The following DCC variants were observed in gnomAD, a reference collection of about 807,000 sequenced individuals.
DCC encodes DCC netrin 1 receptor, also known as netrin receptor DCC.
A neutral mutation model predicts 172.5 loss-of-function variants in DCC; 58 were observed. The ratio of observed to expected loss-of-function variants is 0.34; its 90% CI spans 0.27 to 0.42. The LOEUF (loss-of-function observed/expected upper bound fraction) is 0.42, where lower values mean the gene tolerates loss of function less well. Ranked by LOEUF, DCC falls within the 10% of genes least tolerant of loss-of-function variation. DCC has a pLI of 1.00. For missense variants in DCC, 1,740 were observed against 1,791.0 expected (o/e 0.97, Z 0.51); for synonymous variants, 709 against 644.5 (o/e 1.10, Z -1.52).
chr18:52,784,757 G>A (rs772186814), intron 2 of DCC, among the ~76,000 whole-genome samples: 27 of 151,964 alleles, frequency 1.8e-4, no homozygotes, highest in Non-Finnish European at 3.5e-4. Context: ...TTTTAATAGT[G>A]ATATGGCTAT....
chr18:52,358,999 A>G lies in DCC; in HGVS notation c.91+18121A>G, dbSNP rs1984502422. Among the ~76,000 whole-genome samples, 3 of 152,324 alleles carry G rather than the reference A, an allele frequency of 2.0e-5. No homozygotes were observed. The Middle Eastern group carries it at 0.01, about 518-fold the overall frequency. On this transcript the variant is annotated intron_variant, in intron 1 of 28. Coordinates refer to ENST00000442544, the MANE Select transcript of DCC (RefSeq NM_005215.4). ...CTTCCAATTTATAAAATCCTCCATG[A>G]CAACAATTCATTTAACTAGGGTCTG...
At chr18:52,777,913 G>A (rs75177472) in intron 2 of DCC, among the ~76,000 whole-genome samples, 8,050 of 152,270 alleles carry the variant, frequency 0.053, 287 homozygotes, top group South Asian at 0.16. Flanking sequence ...GCTAAAAGCA[G>A]TGGACAAGGA....
At chr18:53,425,392 C>T (rs1347558051) in intron 21 of DCC, among the ~76,000 whole-genome samples, 1 of 123,980 alleles carries the variant, frequency 8.1e-6, no homozygotes, top group Non-Finnish European at 1.7e-5. Context: ...CAGAGTCTCA[C>T]TCTCTCACCC....
intron 1 of DCC, among the ~76,000 whole-genome samples, chr18:52,524,169 A>G (rs1383631814): frequency 6.6e-6 from 1 of 152,214 alleles, no homozygotes; most frequent in Non-Finnish European, 1.5e-5. Flanking sequence ...GTGATGCTTC[A>G]TTTCTTTATG....
chr18:52,717,790 T>C (rs1391782757), intron 1 of DCC, among the ~76,000 whole-genome samples: 1 of 152,176 alleles, frequency 6.6e-6, no homozygotes, highest in African/African-American at 2.4e-5. Context: ...ATGATGTAAA[T>C]GGTTGCCAAA....
At chr18:53,250,123 G>A (rs753055822) in intron 12 of DCC, among the ~76,000 whole-genome samples, 61 of 151,840 alleles carry the variant, frequency 4.0e-4, no homozygotes, top group Non-Finnish European at 4.3e-4. Context: ...GAACTGTTCC[G>A]TTTTTTTAAA....
intron 20 of DCC, among the ~76,000 whole-genome samples, chr18:53,415,395 G>A (rs1047998892): frequency 6.6e-6 from 1 of 151,382 alleles, no homozygotes; most frequent in Admixed American, 6.6e-5. Context: ...AGGGAGGGAA[G>A]CTTATGAAGA....
intron 7 of DCC, among the ~76,000 whole-genome samples, chr18:53,153,726 A>G (rs972904918): frequency 6.6e-6 from 1 of 152,184 alleles, no homozygotes; most frequent in Admixed American, 6.5e-5. Flanking sequence ...ACCTCAACTA[A>G]ACCAAGAGGG....
intron 12 of DCC, among the ~76,000 whole-genome samples, chr18:53,274,632 A>G (rs2056785666): frequency 6.6e-6 from 1 of 152,168 alleles, no homozygotes. Flanking sequence ...CAAGATTTTC[A>G]GGGAAATAAG....
intron 1 of DCC, among the ~76,000 whole-genome samples, chr18:52,546,154 G>GCA (rs143543765): frequency 1.2e-4 from 18 of 150,820 alleles, no homozygotes; most frequent in African/African-American, 1.9e-4. Context: ...GGGTGTACGT[G>GCA]CACACACACA....
At chr18:52,990,198 A>G (rs1375488712) in intron 5 of DCC, among the ~76,000 whole-genome samples, 2 of 152,172 alleles carry the variant, frequency 1.3e-5, no homozygotes, top group Admixed American at 6.5e-5. Flanking sequence ...TCTTTTCTCA[A>G]TACTAGATTA....
chr18:52,885,094 C>T (rs1404110607), intron 2 of DCC, among the ~76,000 whole-genome samples: 1 of 152,124 alleles, frequency 6.6e-6, no homozygotes, highest in Non-Finnish European at 1.5e-5. Flanking sequence ...TAGGAATGTG[C>T]TGGTTCAGAT....
At chr18:52,781,489 T>C (rs894882304) in intron 2 of DCC, among the ~76,000 whole-genome samples, 2 of 152,148 alleles carry the variant, frequency 1.3e-5, no homozygotes, top group Admixed American at 6.5e-5. Flanking sequence ...CAAGTGTCAT[T>C]GTGACCGCTG....
At chr18:53,248,394 T>C (rs1438054487) in intron 12 of DCC, among the ~76,000 whole-genome samples, 3 of 152,010 alleles carry the variant, frequency 2.0e-5, no homozygotes, top group Non-Finnish European at 4.4e-5. Flanking sequence ...TAGAGGGTCC[T>C]AGGAAAGTTC....
At chr18:52,393,149 G>T (rs1165580675) in intron 1 of DCC, among the ~76,000 whole-genome samples, 1 of 152,076 alleles carries the variant, frequency 6.6e-6, no homozygotes, top group Non-Finnish European at 1.5e-5. Context: ...CAATATCTGT[G>T]TGATCATGGT....
intron 1 of DCC, among the ~76,000 whole-genome samples, chr18:52,511,706 C>T (rs1470721836): frequency 6.6e-6 from 1 of 152,158 alleles, no homozygotes; most frequent in Non-Finnish European, 1.5e-5. Context: ...TTAAAGTTCA[C>T]CGACATTTTA....
chr18:53,192,050 T>C (rs2055373717), intron 9 of DCC, among the ~76,000 whole-genome samples: 1 of 152,236 alleles, frequency 6.6e-6, no homozygotes, highest in Non-Finnish European at 1.5e-5. Context: ...ATCTTTTGAA[T>C]ACTGAAAATA....
At chr18:52,719,462 G>A (rs1318898020) in intron 1 of DCC, among the ~76,000 whole-genome samples, 1 of 152,070 alleles carries the variant, frequency 6.6e-6, no homozygotes, top group African/African-American at 2.4e-5. Context: ...TTATCCACAC[G>A]TCCATTCGTT....
chr18:52,791,506 G>C (rs975407121), intron 2 of DCC, among the ~76,000 whole-genome samples: 5 of 151,762 alleles, frequency 3.3e-5, no homozygotes, highest in Non-Finnish European at 7.4e-5. Context: ...ATGGTTCCTG[G>C]GTCCTGGCAT....
Sources: allele counts gnomAD v4.1 joint callset (sites outside exome capture counted in the v4.1 genomes callset), GRCh38; gene constraint gnomAD v4.1.1; transcripts MANE v1.5; gene names NCBI Gene and HGNC (gene_info 2026-07-23, HGNC 2026-07-21).